Variants in DNAH8 observed in about 807,000 individuals in gnomAD.
DNAH8 encodes axonemal beta dynein heavy chain 8.
Under a neutral mutation model 562.1 loss-of-function variants are expected in DNAH8, and 382 were observed. That is an observed-to-expected ratio of 0.68 (90% confidence interval 0.63 to 0.74). DNAH8 has a LOEUF of 0.74. Ranked by LOEUF, DNAH8 falls within the 30% of genes least tolerant of loss-of-function variation. DNAH8 has a pLI of 0.00. For missense variants in DNAH8, 5,203 were observed against 5,620.4 expected (o/e 0.93, Z 2.37); for synonymous variants, 1,881 against 1,919.4 (o/e 0.98, Z 0.52).
rs932357194 is a variant in DNAH8, at chr6:38,815,671, A to G, written c.3523+14A>G. ...AGAAGGAAGAAAGTAAGAATGTAAA[A>G]TTAGTCAATGATCTTACTGATCCTT... On this transcript the variant is annotated intron_variant, in intron 26 of 92. Transcript: ENST00000327475. The G allele has an allele frequency of 2.5e-6, 4 of 1,601,010 alleles. No homozygotes were observed. Among genetic ancestry groups the G allele is most frequent in the Non-Finnish European group, 3.4e-6 (4 of 1,171,242 alleles).
intron 61 of DNAH8, among the ~76,000 whole-genome samples, chr6:38,899,192 C>G (rs1779900605): frequency 6.6e-6 from 1 of 152,140 alleles, no homozygotes; most frequent in Admixed American, 6.5e-5. Flanking sequence ...CAATTTGAGT[C>G]TTATCTTCAC....
In DNAH8 at chr6:38,721,096, G is replaced by C. The variant is rs567326406; in HGVS notation, c.-34-1680G>C. Among the ~76,000 whole-genome samples, 4 of 152,212 alleles carry C rather than the reference G, an allele frequency of 2.6e-5. No individual in the cohort carries two copies. The East Asian group carries it at 5.8e-4, about 22-fold the overall frequency. On this transcript the variant is annotated intron_variant, in intron 1 of 92. Coordinates refer to ENST00000327475, the MANE Select transcript of DNAH8 (RefSeq NM_001206927.2). ...AATTACCTCAAACGACCAGATTTAA[G>C]AATTATTGAGTTTGTGACCAGTCTG...
At chr6:38,989,247 C>A (rs1344584271) in intron 87 of DNAH8, among the ~76,000 whole-genome samples, 1 of 152,208 alleles carries the variant, frequency 6.6e-6, no homozygotes, top group African/African-American at 2.4e-5. Flanking sequence ...CCTGTCTTCC[C>A]ATTATTTCCT....
At chr6:38,946,818 A>G (rs929971001) in intron 80 of DNAH8, among the ~76,000 whole-genome samples, 1 of 152,108 alleles carries the variant, frequency 6.6e-6, no homozygotes, top group Non-Finnish European at 1.5e-5. Context: ...TTGGGGGAAA[A>G]AAAAAGAAAA....
chr6:38,799,173 A>G (rs2127669627), intron 21 of DNAH8, among the ~76,000 whole-genome samples: 1 of 152,280 alleles, frequency 6.6e-6, no homozygotes, highest in East Asian at 1.9e-4. Flanking sequence ...ATTCATAATT[A>G]AAATCATGTA....
At chr6:38,739,657 G>T (rs1439064585) in intron 7 of DNAH8, among the ~76,000 whole-genome samples, 4 of 151,986 alleles carry the variant, frequency 2.6e-5, no homozygotes, top group Admixed American at 2.6e-4. Flanking sequence ...AATAAATAAA[G>T]AAAAGAAAAA....
At chr6:38,796,469 C>T (rs1478975778) in intron 21 of DNAH8, among the ~76,000 whole-genome samples, 4 of 152,014 alleles carry the variant, frequency 2.6e-5, no homozygotes, top group Admixed American at 2.6e-4. Context: ...TGTCTTATGC[C>T]CAATTTCTGC....
At chr6:38,826,713 G>A (rs777120346) in intron 29 of DNAH8, among the ~76,000 whole-genome samples, 12 of 152,172 alleles carry the variant, frequency 7.9e-5, no homozygotes, top group Admixed American at 3.9e-4. Flanking sequence ...ATCCCAACAT[G>A]TTAGGCAAGT....
chr6:38,754,264 C>A (rs1765723102), intron 9 of DNAH8, among the ~76,000 whole-genome samples: 6 of 152,062 alleles, frequency 3.9e-5, no homozygotes, highest in Admixed American at 3.9e-4. Flanking sequence ...CTGAAGGACC[C>A]ATTTGATGCC....
chr6:38,998,694 A>C (rs900960274), intron 88 of DNAH8, among the ~76,000 whole-genome samples: 2 of 152,048 alleles, frequency 1.3e-5, no homozygotes, highest in African/African-American at 2.4e-5. Flanking sequence ...TCTGTTTTTC[A>C]GTTGTTTTGC....
At chr6:38,909,451 A>G (rs1004755362) in intron 64 of DNAH8, 67 bp from the exon 65 acceptor site, 76 of 1,462,600 alleles carry the variant, frequency 5.2e-5, no homozygotes, top group Non-Finnish European at 6.8e-5. Flanking sequence ...CAGATTGCGT[A>G]AATCTCTCTC....
At chr6:38,927,124 T>A (rs1389322897) in intron 74 of DNAH8, among the ~76,000 whole-genome samples, 1 of 152,236 alleles carries the variant, frequency 6.6e-6, no homozygotes, top group East Asian at 1.9e-4. Flanking sequence ...TTAATCAAAG[T>A]GTGTCATCAT....
At chr6:38,856,269 G>A (rs543099352) in intron 41 of DNAH8, among the ~76,000 whole-genome samples, 1 of 152,262 alleles carries the variant, frequency 6.6e-6, no homozygotes, top group East Asian at 1.9e-4. Context: ...ATGAGAATGA[G>A]CATTCTTGTT....
rs115404395 is a variant in DNAH8 at position 38,834,565 on chromosome 6, A to G, written c.4303-14A>G. 0.011 allele frequency: 16,810 copies of G among 1,540,112 alleles called. 187 individuals are homozygous for G. Among genetic ancestry groups the G allele is most frequent in the East Asian group, 0.024 (1,056 of 43,678 alleles). On this transcript the variant is annotated splice_polypyrimidine_tract_variant and intron_variant, in intron 31 of 92. Transcript: ENST00000327475. ...GATTAAGAATGAAAATGGAGATTAT[A>G]TTCTTCCTTACAGGAAGGACCTATG... is the stretch of plus-strand genomic sequence containing the variant.
chr6:38,734,891 GTA>G (rs1763965555), intron 5 of DNAH8, among the ~76,000 whole-genome samples: 1 of 152,148 alleles, frequency 6.6e-6, no homozygotes, highest in South Asian at 2.1e-4. Context: ...TTGATGCAAA[GTA>G]TTAGTTACTT....
At chr6:38,980,059 T>G (rs1537231) in intron 85 of DNAH8, among the ~76,000 whole-genome samples, 135,385 of 152,106 alleles carry the variant, frequency 0.89, 60,387 homozygotes, top group African/African-American at 0.95. Context: ...TTGCTCCTGG[T>G]ATAATCTGGA....
rs575403101 is a variant in DNAH8 at position 38,781,280 on chromosome 6, C to T, written c.2166C>T (p.Pro722=). 5 of 1,613,378 alleles carry T rather than the reference C, an allele frequency of 3.1e-6. No homozygotes were observed. The highest frequency in any genetic ancestry group is 4.2e-6 in the Non-Finnish European group (5 of 1,179,672). ...TTTATCATTCTCAGAAAGATGACCCCCCTCTTGCTCGCAACATGCCCCCTA... is the reference window on the plus strand; with the variant it reads ...TTTATCATTCTCAGAAAGATGACCCTCCTCTTGCTCGCAACATGCCCCCTA... ...KKLYHSQKDD[P]PLARNMPPIA... The change falls in exon 16 of 93, where the codon CCC becomes CCT. Residue 722 remains proline, a synonymous_variant. Transcript: ENST00000327475.
In DNAH8 at chr6:38,723,576, C is replaced by T. The variant is rs72856597; in HGVS notation, c.525+105C>T. On this transcript the variant is annotated intron_variant, in intron 3 of 92. Transcript: ENST00000327475. ...AGCAACAACAACAACAAAAATCATT[C>T]AGAAAGACAAAGTTGGGGCAGGGCA... The T allele has an allele frequency of 0.22, 313,241 of 1,417,240 alleles. 37,420 individuals are homozygous for T. Among genetic ancestry groups the T allele is most frequent in the Non-Finnish European group, 0.25 (263,027 of 1,052,604 alleles). The allele number at this position is 1,417,240 out of a possible 1,614,324, so 87.8% of individuals were successfully genotyped here.
In DNAH8 at chr6:38,909,758, CA is replaced by C; in HGVS notation, c.9740+15del. ...TTATTTCCAAAGGTAAGTGATATTA[CA>C]TAAGCACCATCGCTATGGAACCACA... On this transcript the variant is annotated intron_variant, in intron 65 of 92. Transcript: ENST00000327475. 6.3e-7 allele frequency: 1 copy of C among 1,595,712 alleles called. No individual in the cohort carries two copies. Among genetic ancestry groups the C allele is most frequent in the Admixed American group, 1.7e-5 (1 of 59,944 alleles).
Sources: allele counts gnomAD v4.1 joint callset (sites outside exome capture counted in the v4.1 genomes callset), GRCh38; gene constraint gnomAD v4.1.1; transcripts MANE v1.5; gene names NCBI Gene and HGNC (gene_info 2026-07-23, HGNC 2026-07-21).